The following CMSS1 variants were observed in gnomAD, a reference collection of about 807,000 sequenced individuals.
CMSS1 encodes the protein cms1 ribosomal small subunit homolog.
CMSS1 carries 33 observed loss-of-function variants against 43.5 expected under a neutral mutation model. That is an observed-to-expected ratio of 0.76 (90% CI 0.57 to 1.01). The LOEUF is 1.01. Ranked by LOEUF, CMSS1 falls within the 50% of genes least tolerant of loss-of-function variation. CMSS1 has a pLI of 0.00. For synonymous variants in CMSS1, 115 were observed against 117.2 expected, an observed-to-expected ratio of 0.98 and a Z score of 0.12; for missense variants, 313 against 326.4, an observed-to-expected ratio of 0.96 and a Z score of 0.32.
chr3:99,894,082 A>G (rs1156427687), intron 1 of CMSS1, among the ~76,000 whole-genome samples: 1 of 152,250 alleles, frequency 6.6e-6, no homozygotes, highest in South Asian at 2.1e-4. Context: ...CCTCTCTGCT[A>G]TGATACTCAA....
At chr3:100,010,764 G>A (rs183567822) in intron 1 of CMSS1, among the ~76,000 whole-genome samples, 4 of 145,212 alleles carry the variant, frequency 2.8e-5, no homozygotes, top group East Asian at 2.0e-4. Flanking sequence ...ACAGGTGCGC[G>A]CCTCCACGCC....
chr3:99,892,594 T>C (rs957645034), intron 1 of CMSS1, among the ~76,000 whole-genome samples: 10 of 152,204 alleles, frequency 6.6e-5, no homozygotes, highest in African/African-American at 2.4e-4. Context: ...GGTAGCAAGA[T>C]GACCTCAGTA....
chr3:100,061,159 AAAGG>A (rs1375465328), intron 1 of CMSS1, among the ~76,000 whole-genome samples: 2 of 152,238 alleles, frequency 1.3e-5, no homozygotes, highest in Non-Finnish European at 1.5e-5. Context: ...AAAAATTTTA[AAAGG>A]AAGGAAGGGT....
chr3:99,929,747 C>T (rs190967891), intron 1 of CMSS1: 9 of 749,046 alleles, frequency 1.2e-5, no homozygotes, highest in Admixed American at 6.1e-5. Context: ...GCTTTAAGTG[C>T]GTTAGAAAGT....
intron 1 of CMSS1, among the ~76,000 whole-genome samples, chr3:100,111,012 A>T (rs2066481525): frequency 6.6e-6 from 1 of 152,144 alleles, no homozygotes; most frequent in Admixed American, 6.6e-5. Context: ...ACTCAGAATA[A>T]TTTTTTATTT....
At chr3:100,146,340 C>A (rs1424319011) in intron 1 of CMSS1, among the ~76,000 whole-genome samples, 1 of 152,146 alleles carries the variant, frequency 6.6e-6, no homozygotes, top group East Asian at 1.9e-4. Flanking sequence ...CCCTTTGTCA[C>A]AATCTCTCAA....
At position 99,895,633 on chromosome 3, in the gene CMSS1, A is replaced by G. The variant is rs79113905; in HGVS notation, c.64+77590A>G. Reference sequence around the variant, plus strand: ...TGGTTTTCGTATACCAAAAGGGGATAATCAGTGCAGATCGAAATAAACATT... The same window carrying G: ...TGGTTTTCGTATACCAAAAGGGGATGATCAGTGCAGATCGAAATAAACATT... On this transcript the variant is annotated intron_variant, in intron 1 of 9. Coordinates refer to ENST00000421999, the MANE Select transcript of CMSS1 (RefSeq NM_032359.4). Among the ~76,000 whole-genome samples, 664 of 152,318 alleles carry G rather than the reference A, an allele frequency of 4.4e-3. 7 individuals are homozygous for G. The highest frequency in any genetic ancestry group is 0.016 in the African/African-American group (651 of 41,564).
chr3:99,986,619 G>T (rs1559715104), intron 1 of CMSS1, among the ~76,000 whole-genome samples: 1 of 152,132 alleles, frequency 6.6e-6, no homozygotes, highest in Non-Finnish European at 1.5e-5. Flanking sequence ...CACATGGAGA[G>T]AAGAAATTGA....
In CMSS1 at chr3:99,905,137, A is replaced by G. The variant is rs1040318268; in HGVS notation, c.64+87094A>G. 1.9e-4 allele frequency among the ~76,000 whole-genome samples: 29 copies of G among 152,256 alleles called. 1 individual carries two copies. The highest frequency in any genetic ancestry group is 2.6e-4 in the Non-Finnish European group (18 of 68,018). On this transcript the variant is annotated intron_variant, in intron 1 of 9. Coordinates refer to ENST00000421999, the MANE Select transcript of CMSS1 (RefSeq NM_032359.4). ...TAGACTGCTTCTTGTCTACCTTCCT[A>G]GATAGCTTATCCCCCTTTGAATGTA... is the stretch of plus-strand genomic sequence containing the variant.
chr3:100,070,436 G>T (rs1247895458), intron 1 of CMSS1, among the ~76,000 whole-genome samples: 2 of 112,682 alleles, frequency 1.8e-5, no homozygotes, highest in Admixed American at 1.8e-4. Context: ...CTTAGGACTT[G>T]AATATTAAAT....
At chr3:100,146,618 T>G (rs1320638909) in intron 1 of CMSS1, among the ~76,000 whole-genome samples, 1 of 152,218 alleles carries the variant, frequency 6.6e-6, no homozygotes, top group African/African-American at 2.4e-5. Flanking sequence ...ACTCAATAAT[T>G]CTAGCCCTGA....
chr3:99,943,338 C>T (rs1707907317), intron 1 of CMSS1, among the ~76,000 whole-genome samples: 1 of 152,068 alleles, frequency 6.6e-6, no homozygotes, highest in Admixed American at 6.6e-5. Context: ...TAAGATAAAA[C>T]CTTCAATAAC....
intron 1 of CMSS1, among the ~76,000 whole-genome samples, chr3:99,899,162 C>G (rs1706356317): frequency 6.6e-6 from 1 of 152,136 alleles, no homozygotes; most frequent in African/African-American, 2.4e-5. Flanking sequence ...TTCTTTTTAT[C>G]TAAAAATATC....
In CMSS1 at chr3:100,124,902, C is replaced by CT. The variant is rs35291341; in HGVS notation, c.65-22071_65-22070insT. Among the ~76,000 whole-genome samples the CT allele has an allele frequency of 2.1e-3, 321 of 151,654 alleles. 1 individual carries two copies. The highest frequency in any genetic ancestry group is 3.9e-3 in the Non-Finnish European group (268 of 67,886). The stretch of plus-strand genomic sequence containing the variant: ...TGTCAGGTACTAACTCTCAGATCCC[C>CT]GTTTTCAGTCTGTACCTCATCCCCA... On this transcript the variant is annotated intron_variant, in intron 1 of 9. Transcript: ENST00000421999.
chr3:99,844,980 T>C (rs1176308071), intron 1 of CMSS1, among the ~76,000 whole-genome samples: 1 of 152,160 alleles, frequency 6.6e-6, no homozygotes, highest in East Asian at 1.9e-4. Flanking sequence ...TCTTGATAAA[T>C]TACCCAGTCT....
intron 2 of CMSS1, 64 bp from the exon 3 acceptor site, chr3:100,160,366 C>T: frequency 1.3e-6 from 1 of 796,292 alleles, no homozygotes; most frequent in Non-Finnish European, 2.1e-6. Flanking sequence ...CTTTGGGGTT[C>T]ATGCCACTAA....
intron 1 of CMSS1, among the ~76,000 whole-genome samples, chr3:99,859,157 T>C (rs942088741): frequency 1.8e-4 from 28 of 152,262 alleles, no homozygotes; most frequent in African/African-American, 5.8e-4. Context: ...TTTTTATAAA[T>C]GGGTCCATCC....
chr3:100,147,055 C>T lies in CMSS1; in HGVS notation c.147C>T (p.Thr49=), dbSNP rs754760566. 7.4e-6 allele frequency: 12 copies of T among 1,613,698 alleles called. No homozygotes were observed. The South Asian group carries it at 9.9e-5, about 13-fold the overall frequency. Residue 49 remains threonine (T), a synonymous_variant, in exon 2 of 10, where the codon ACC becomes ACT. Coordinates refer to ENST00000421999, the MANE Select transcript of CMSS1 (RefSeq NM_032359.4). The part of the protein sequence containing the change: ...TVPVPVPSEK[T]KQPKECFLIQ... ...CAGTTCCTGTACCTTCAGAGAAAACCAAACAGGTGAGGGGTCACTGTGGGA... is the reference window on the plus strand; with the variant it reads ...CAGTTCCTGTACCTTCAGAGAAAACTAAACAGGTGAGGGGTCACTGTGGGA...
At chr3:99,965,883 G>C (rs1048895452) in intron 1 of CMSS1, among the ~76,000 whole-genome samples, 4 of 152,136 alleles carry the variant, frequency 2.6e-5, no homozygotes, top group African/African-American at 9.7e-5. Context: ...ATGTTGTCCA[G>C]CCTGCCGCCA....
Sources: allele counts gnomAD v4.1 joint callset (sites outside exome capture counted in the v4.1 genomes callset), GRCh38; gene constraint gnomAD v4.1.1; transcripts MANE v1.5; gene names NCBI Gene and HGNC (gene_info 2026-07-23, HGNC 2026-07-21).